Variants in PLCB1 observed in about 807,000 individuals in gnomAD.
PLCB1 encodes phospholipase C beta 1, also known as 1-phosphatidylinositol 4,5-bisphosphate phosphodiesterase beta-1.
PLCB1 carries 46 observed loss-of-function variants against 161.8 expected under a neutral mutation model. The ratio of observed to expected loss-of-function variants is 0.28; its 90% CI spans 0.22 to 0.36. The LOEUF (loss-of-function observed/expected upper bound fraction) is 0.36. Among genes scored for constraint, PLCB1 ranks in the 10% least tolerant of loss-of-function variants. PLCB1 has a pLI of 1.00. For synonymous variants in PLCB1, 517 were observed against 503.7 expected (o/e 1.03, Z -0.35); for missense variants, 1,016 against 1,472.5 (o/e 0.69, Z 5.07).
intron 31 of PLCB1, among the ~76,000 whole-genome samples, chr20:8,855,362 C>A (rs916788120): frequency 6.6e-6 from 1 of 151,996 alleles, no homozygotes; most frequent in African/African-American, 2.4e-5. Context: ...TGGTCAAATC[C>A]CCCTCTTGAG....
At chr20:8,660,262 T>C (rs1201706852) in intron 9 of PLCB1, among the ~76,000 whole-genome samples, 3 of 152,078 alleles carry the variant, frequency 2.0e-5, no homozygotes, top group African/African-American at 4.8e-5. Context: ...TTGCCCTTCC[T>C]TCCCTAGTAC....
Position 8,808,784 on chromosome 20 carries a change from GA to G in PLCB1, c.3423+18525del, listed in dbSNP as rs1335980315. 3.3e-5 allele frequency among the ~76,000 whole-genome samples: 5 copies of G among 152,052 alleles called. 1 individual carries two copies. The highest frequency in any genetic ancestry group is 2.6e-4 in the Admixed American group (4 of 15,262). On this transcript the variant is annotated intron_variant, in intron 31 of 31. Coordinates refer to ENST00000338037, the MANE Select transcript of PLCB1 (RefSeq NM_015192.4). ...AAATATTAATTTTCCTTTATTCTTTGAAGACAAACCAGTGGTGAGCTGGAGC... is the reference window on the plus strand; with the variant it reads ...AAATATTAATTTTCCTTTATTCTTTGAGACAAACCAGTGGTGAGCTGGAGC...
At chr20:8,331,699 A>G (rs941207121) in intron 2 of PLCB1, among the ~76,000 whole-genome samples, 1 of 152,204 alleles carries the variant, frequency 6.6e-6, no homozygotes, top group Non-Finnish European at 1.5e-5. Flanking sequence ...TGTTTTATTA[A>G]AGAAATGAGG....
chr20:8,233,333 A>C (rs1417793330), intron 2 of PLCB1, among the ~76,000 whole-genome samples: 2 of 152,166 alleles, frequency 1.3e-5, no homozygotes, highest in Admixed American at 1.3e-4. Flanking sequence ...AACACAGATA[A>C]GGGGGAAATC....
At chr20:8,351,721 C>T (rs985968245) in intron 2 of PLCB1, among the ~76,000 whole-genome samples, 1 of 151,900 alleles carries the variant, frequency 6.6e-6, no homozygotes, top group Non-Finnish European at 1.5e-5. Flanking sequence ...ACAAACATAA[C>T]AAATACCCAT....
intron 3 of PLCB1, among the ~76,000 whole-genome samples, chr20:8,426,767 G>A (rs1196868731): frequency 6.6e-6 from 1 of 152,148 alleles, no homozygotes; most frequent in African/African-American, 2.4e-5. Context: ...TGATTTTACT[G>A]TCTGTGTATC....
intron 3 of PLCB1, among the ~76,000 whole-genome samples, chr20:8,500,337 T>C (rs1600109614): frequency 6.6e-6 from 1 of 152,320 alleles, no homozygotes; most frequent in East Asian, 1.9e-4. Context: ...ACCACATACA[T>C]TTACATTCGG....
intron 3 of PLCB1, among the ~76,000 whole-genome samples, chr20:8,579,382 A>C (rs1256034203): frequency 6.6e-6 from 1 of 152,214 alleles, no homozygotes; most frequent in African/African-American, 2.4e-5. Context: ...CAGCAAGTCT[A>C]CCTTCACACA....
intron 10 of PLCB1, among the ~76,000 whole-genome samples, chr20:8,689,994 C>T: frequency 2.0e-5 from 1 of 51,094 alleles, no homozygotes; most frequent in Non-Finnish European, 5.8e-5. Flanking sequence ...GTATCAACAC[C>T]ATCTGATTCA....
At chr20:8,528,238 T>C (rs1422172217) in intron 3 of PLCB1, among the ~76,000 whole-genome samples, 1 of 152,072 alleles carries the variant, frequency 6.6e-6, no homozygotes, top group Non-Finnish European at 1.5e-5. Flanking sequence ...ACACAATGAC[T>C]TTTACATCAA....
At chr20:8,357,997 G>A (rs1329095511) in intron 2 of PLCB1, among the ~76,000 whole-genome samples, 1 of 152,160 alleles carries the variant, frequency 6.6e-6, no homozygotes, top group African/African-American at 2.4e-5. Context: ...AATTTTTAGG[G>A]GATAATGTTG....
chr20:8,687,184 C>T (rs1879279467), intron 10 of PLCB1, among the ~76,000 whole-genome samples: 2 of 151,690 alleles, frequency 1.3e-5, no homozygotes, highest in Non-Finnish European at 2.9e-5. Context: ...TGCCACCACA[C>T]CTGGCTAATT....
intron 3 of PLCB1, among the ~76,000 whole-genome samples, chr20:8,605,359 C>T (rs1473755570): frequency 6.6e-6 from 1 of 151,948 alleles, no homozygotes; most frequent in Non-Finnish European, 1.5e-5. Flanking sequence ...ATAGTATTTC[C>T]ACTTATAGAC....
intron 3 of PLCB1, among the ~76,000 whole-genome samples, chr20:8,441,459 T>G (rs933476245): frequency 3.3e-5 from 5 of 152,212 alleles, no homozygotes; most frequent in Admixed American, 1.3e-4. Context: ...ATTTACTAGT[T>G]GCAAAGATAA....
chr20:8,668,069 C>T (rs558419922), intron 9 of PLCB1, among the ~76,000 whole-genome samples: 11 of 151,674 alleles, frequency 7.3e-5, no homozygotes, highest in South Asian at 6.3e-4. Flanking sequence ...CTCCTAACTT[C>T]GGCATTATCC....
chr20:8,704,268 C>T (rs529163022), intron 11 of PLCB1, among the ~76,000 whole-genome samples: 5 of 151,950 alleles, frequency 3.3e-5, no homozygotes, highest in East Asian at 1.9e-4. Context: ...GCACAAGAAT[C>T]GCCCAAACCA....
chr20:8,408,431 A>G (rs993987716), intron 3 of PLCB1, among the ~76,000 whole-genome samples: 8 of 152,088 alleles, frequency 5.3e-5, no homozygotes, highest in African/African-American at 1.7e-4. Flanking sequence ...TAAAAAAAGG[A>G]AAAAAGAAAG....
At chr20:8,474,923 T>C (rs1319384398) in intron 3 of PLCB1, among the ~76,000 whole-genome samples, 1 of 152,206 alleles carries the variant, frequency 6.6e-6, no homozygotes, top group East Asian at 1.9e-4. Context: ...GTTCGCCAGG[T>C]ATGATTAAAC....
intron 3 of PLCB1, among the ~76,000 whole-genome samples, chr20:8,499,737 A>C (rs1983327244): frequency 6.6e-6 from 1 of 152,238 alleles, no homozygotes; most frequent in Non-Finnish European, 1.5e-5. Context: ...ACAGAAGCAC[A>C]CATTAAGTTA....
Sources: gnomAD v4.1 joint callset for allele counts (sites outside exome capture counted in the v4.1 genomes callset) on GRCh38, gnomAD v4.1.1 for gene constraint, MANE v1.5 for transcripts, NCBI Gene and HGNC (gene_info 2026-07-23, HGNC 2026-07-21) for gene names.